EIF2B5: variants seen among roughly 807,000 people sequenced by gnomAD.
EIF2B5 encodes the protein translation initiation factor eIF2B subunit epsilon.
A neutral mutation model predicts 87.3 loss-of-function variants in EIF2B5; 38 were observed. That is an observed-to-expected ratio of 0.44 (90% CI 0.34 to 0.57). The LOEUF (loss-of-function observed/expected upper bound fraction) is 0.57. Ranked by LOEUF, EIF2B5 falls within the 20% of genes least tolerant of loss-of-function variation. The pLI is 0.02. For synonymous variants in EIF2B5, 313 were observed against 339.6 expected (o/e 0.92, Z 0.86); for missense variants, 784 against 909.5 (o/e 0.86, Z 1.78).
chr3:184,138,760 C>T (rs112949891), intron 5 of EIF2B5: 378 of 218,296 alleles, frequency 1.7e-3, no homozygotes, highest in Middle Eastern at 0.012. Flanking sequence ...CTCAGCCTCC[C>T]AGGTTCAAGG....
chr3:184,139,988 A>G, intron 5 of EIF2B5, 92 bp from the exon 6 acceptor site: 1 of 999,030 alleles, frequency 1.0e-6, no homozygotes, highest in Non-Finnish European at 1.5e-6. Context: ...ATGCAACTGC[A>G]CTCCAGCCTG....
chr3:184,139,270 A>ATTTTTTTTT (rs1196978595), intron 5 of EIF2B5, among the ~76,000 whole-genome samples: 1 of 48,012 alleles, frequency 2.1e-5, no homozygotes, highest in Non-Finnish European at 3.4e-5. Flanking sequence ...TGCACCCAGC[A>ATTTTTTTTT]TTTTTTTTTT....
intron 7 of EIF2B5, among the ~76,000 whole-genome samples, chr3:184,141,292 A>G (rs1195337898): frequency 1.3e-5 from 2 of 152,174 alleles, no homozygotes; most frequent in African/African-American, 4.8e-5. Flanking sequence ...CTAGGGGCTG[A>G]GCGTGGTGGC....
At chr3:184,143,410 A>G (rs1389601981) in intron 12 of EIF2B5, 32 bp from the exon 13 acceptor site, 7 of 1,614,036 alleles carry the variant, frequency 4.3e-6, no homozygotes, top group Non-Finnish European at 5.9e-6. Flanking sequence ...AAGGCCAGTG[A>G]AGGCCCTGGT....
intron 5 of EIF2B5, chr3:184,138,978 T>C: frequency 4.2e-6 from 1 of 240,312 alleles, no homozygotes; most frequent in South Asian, 3.5e-5. Context: ...GTTGTTGTTA[T>C]TGTTGTTTTG....
In EIF2B5 at chr3:184,137,815, G is replaced by A. The variant is rs1177535418; in HGVS notation, c.506+10G>A. 6.2e-7 allele frequency: 1 copy of A among 1,614,030 alleles called. No homozygotes were observed. Among genetic ancestry groups the A allele is most frequent in the African/African-American group, 1.3e-5 (1 of 74,912 alleles). ...CCCTTGAGGAACACAGGTCAGGATG[G>A]GAAAATGACAGGAACAAGGGTTAAA... On this transcript the variant is annotated intron_variant, in intron 3 of 15. Transcript: ENST00000648915.
intron 2 of EIF2B5, 72 bp from the exon 3 acceptor site, chr3:184,137,548 G>T (rs2109006831): frequency 6.6e-7 from 1 of 1,519,414 alleles, no homozygotes; most frequent in East Asian, 2.3e-5. Flanking sequence ...CTGAAAGGGG[G>T]TGAAAAATGG....
In EIF2B5 at chr3:184,136,602, T is replaced by C; in HGVS notation, c.196-10T>C. On this transcript the variant is annotated splice_polypyrimidine_tract_variant and intron_variant, in intron 1 of 15. Coordinates refer to ENST00000648915, the MANE Select transcript of EIF2B5 (RefSeq NM_003907.3). ...AGACCTCAAGTTTTTTTTCATCTTG[T>C]ATCCTTCAGGTCCTCTTGCCCCTGG... The C allele has an allele frequency of 6.2e-7, 1 of 1,614,102 alleles. No individual in the cohort carries two copies. Among genetic ancestry groups the C allele is most frequent in the Non-Finnish European group, 8.5e-7 (1 of 1,180,024 alleles).
rs1393683991 is a variant in EIF2B5, at chr3:184,137,711, G to A, written c.412G>A (p.Val138Ile). 1 of 1,614,222 alleles carries A rather than the reference G, an allele frequency of 6.2e-7. No homozygotes were observed. Among genetic ancestry groups the A allele is most frequent in the Admixed American group, 1.7e-5 (1 of 60,026 alleles). Residue 138 changes from valine to isoleucine, a missense_variant, in exon 3 of 16, where the codon GTT becomes ATT. Physicochemically the swap from Val to Ile is conservative, Grantham distance 29 (BLOSUM62 3). Coordinates refer to ENST00000648915, the MANE Select transcript of EIF2B5 (RefSeq NM_003907.3). ...ATCACTGGGAGATGTCCTCCGTGAT[G>A]TTGATGCCAAGGCTTTGGTGCGCTC... is the stretch of plus-strand genomic sequence containing the variant. ...YRSLGDVLRD[V>I]DAKALVRSDF...
rs1186689545 is a variant in EIF2B5 at position 184,144,594 on chromosome 3, C to T, written c.1996-3C>T. 2.0e-5 allele frequency: 33 copies of T among 1,613,654 alleles called. No homozygotes were observed. Among genetic ancestry groups the T allele is most frequent in the Non-Finnish European group, 2.8e-5 (33 of 1,179,832 alleles). Reference sequence around the variant, plus strand: ...TGAGGTCCCCTTTATTGGCCTTTTGCAGGTACTGATGGCTTTCTACCAGCT... The same window carrying T: ...TGAGGTCCCCTTTATTGGCCTTTTGTAGGTACTGATGGCTTTCTACCAGCT... On this transcript the variant is annotated splice_region_variant and splice_polypyrimidine_tract_variant and intron_variant, in intron 14 of 15. Coordinates refer to ENST00000648915, the MANE Select transcript of EIF2B5 (RefSeq NM_003907.3).
chr3:184,140,917 G>A (rs1713606720), intron 7 of EIF2B5, 187 bp downstream of exon 7: 1 of 675,740 alleles, frequency 1.5e-6, no homozygotes, highest in Non-Finnish European at 2.5e-6. Flanking sequence ...TGTAGCCTGT[G>A]GGCCTCTCAT....
chr3:184,137,749 G>C lies in EIF2B5; in HGVS notation c.450G>C (p.Leu150=), dbSNP rs773972380. Residue 150 remains leucine (L), a synonymous_variant, in exon 3 of 16, where the codon CTG becomes CTC. Coordinates refer to ENST00000648915, the MANE Select transcript of EIF2B5 (RefSeq NM_003907.3). ...AKALVRSDFL[L]VYGDVISNIN... ...CTTTGGTGCGCTCTGACTTTCTTCTGGTGTATGGGGATGTCATCTCAAACA... is the reference window on the plus strand; with the variant it reads ...CTTTGGTGCGCTCTGACTTTCTTCTCGTGTATGGGGATGTCATCTCAAACA... The C allele has an allele frequency of 6.2e-7, 1 of 1,614,142 alleles. No homozygotes were observed. The highest frequency in any genetic ancestry group is 1.6e-4 in the Middle Eastern group (1 of 6,062).
At chr3:184,138,439 C>G (rs910286950) in intron 5 of EIF2B5, among the ~76,000 whole-genome samples, 193 bp downstream of exon 5, 2 of 152,064 alleles carry the variant, frequency 1.3e-5, no homozygotes, top group South Asian at 4.1e-4. Context: ...TCACTGCAGA[C>G]TCTGCCTCCT....
intron 12 of EIF2B5, 103 bp downstream of exon 12, chr3:184,143,245 C>T: frequency 6.7e-7 from 1 of 1,482,782 alleles, no homozygotes; most frequent in Non-Finnish European, 9.3e-7. Flanking sequence ...CTTCGACATC[C>T]CAAATGGAAA....
intron 13 of EIF2B5, 191 bp from the exon 14 acceptor site, chr3:184,143,908 C>G (rs762029674): frequency 1.2e-5 from 11 of 891,360 alleles, no homozygotes; most frequent in Non-Finnish European, 2.0e-5. Context: ...CATCTGATCC[C>G]CTTTCACCTT....
Position 184,140,560 on chromosome 3 carries a change from A to C in EIF2B5, c.986A>C (p.Asp329Ala). 6.2e-7 allele frequency: 1 copy of C among 1,614,108 alleles called. No individual in the cohort carries two copies. The highest frequency in any genetic ancestry group is 8.5e-7 in the Non-Finnish European group (1 of 1,180,024). Residue 329 changes from aspartate (D) to alanine (A), a missense_variant, in exon 7 of 16, where the codon GAC becomes GCC. By Grantham distance (126) the Asp-to-Ala change is moderately radical. This residue lies in a region of EIF2B5 where 660 missense variants were observed against 789.5 expected (regional missense o/e 0.84). Coordinates refer to ENST00000648915, the MANE Select transcript of EIF2B5 (RefSeq NM_003907.3). ...CTCACCCCAGAGGCGAACTTCACTGACAGCACCACCCAGAGCTGCACTCAT... is the reference window on the plus strand; with the variant it reads ...CTCACCCCAGAGGCGAACTTCACTGCCAGCACCACCCAGAGCTGCACTCAT... ...YPLTPEANFT[D>A]STTQSCTHSR...
chr3:184,136,563 C>T, intron 1 of EIF2B5, 49 bp from the exon 2 acceptor site: 1 of 1,612,184 alleles, frequency 6.2e-7, no homozygotes, highest in Non-Finnish European at 8.5e-7. Flanking sequence ...CAGTGGGGTA[C>T]CCAAAGGGAT....
chr3:184,145,146 G>T lies in EIF2B5; in HGVS notation c.*203G>T. 1 of 642,834 alleles carries T rather than the reference G, an allele frequency of 1.6e-6. No homozygotes were observed. Among genetic ancestry groups the T allele is most frequent in the Non-Finnish European group, 2.8e-6 (1 of 356,862 alleles). The allele number at this position is 642,834 out of a possible 1,614,324, so 39.8% of individuals were successfully genotyped here. On this transcript the variant is annotated 3_prime_UTR_variant, in exon 16 of 16. Transcript: ENST00000648915. This position sits in a 1 kb window ranked among gnomAD's most constrained non-coding sequence, Gnocchi z 4.0. ...GACTGTGGAGTTGGGATGTGGAAGT[G>T]GGGCTGGAACAAAGCTTCTGCCTAG...
Position 184,144,668 on chromosome 3 carries a change from T to C in EIF2B5, c.2067T>C (p.Asp689=). The stretch of plus-strand genomic sequence containing the variant: ...TTCTGAGCTGGTTCAGCCAAAGAGA[T>C]ACAACTGACAAGGGCCAGCAGTTGC... ...ETILSWFSQR[D]TTDKGQQLRK... Residue 689 remains aspartate, a synonymous_variant, in exon 15 of 16, where the codon GAT becomes GAC. Coordinates refer to ENST00000648915, the MANE Select transcript of EIF2B5 (RefSeq NM_003907.3). The C allele has an allele frequency of 6.2e-7, 1 of 1,614,112 alleles. No homozygotes were observed.
Sources: gnomAD v4.1 joint callset for allele counts (sites outside exome capture counted in the v4.1 genomes callset) on GRCh38, gnomAD v4.1.1 for gene constraint, gnomAD v4.1.1 regional missense constraint, Gnocchi (gnomAD v3.1) non-coding constraint, MANE v1.5 for transcripts, NCBI Gene and HGNC (gene_info 2026-07-23, HGNC 2026-07-21) for gene names.